TET2: variants seen among roughly 807,000 people sequenced by gnomAD.
The protein encoded by TET2 is methylcytosine dioxygenase TET2.
A neutral mutation model predicts 142.9 loss-of-function variants in TET2; 299 were observed. The ratio of observed to expected loss-of-function variants is 2.09; its 90% confidence interval spans 1.90 to 2.30. TET2 has a LOEUF of 2.30. TET2 is among the 30% of genes most tolerant of loss of function. The pLI is 0.00. For missense variants in TET2, 2,418 were observed against 2,378.0 expected (o/e 1.02, Z -0.35); for synonymous variants, 819 against 849.0 (o/e 0.96, Z 0.61).
In TET2 at chr4:105,243,740, C is replaced by A; in HGVS notation, c.3765C>A (p.Tyr1255Ter). The A allele has an allele frequency of 6.4e-7, 1 of 1,551,550 alleles. No homozygotes were observed. The change falls in exon 6 of 11, where the codon TAC becomes TAA. Residue 1255 changes from tyrosine (Y) to a stop codon, truncating the protein, a stop_gained. Coordinates refer to ENST00000380013, the MANE Select transcript of TET2 (RefSeq NM_001127208.3). LOFTEE classifies it high-confidence loss of function. The stretch of plus-strand genomic sequence containing the variant: ...AGCTTACCGAGACGCTGAGGAAATA[C>A]GGCACGCTCACCAATCGCCGGTGTG... ...YSELTETLRK[Y>*]GTLTNRRCAL...
chr4:105,174,205 G>A (rs1254522708), intron 1 of TET2, among the ~76,000 whole-genome samples: 1 of 152,148 alleles, frequency 6.6e-6, no homozygotes, highest in Non-Finnish European at 1.5e-5. Context: ...TAATTTGATA[G>A]ATCTTAAAAG....
chr4:105,166,100 A>G (rs1724135735), intron 1 of TET2, among the ~76,000 whole-genome samples: 2 of 152,176 alleles, frequency 1.3e-5, no homozygotes, highest in African/African-American at 4.8e-5. Context: ...TGCTAATTGA[A>G]AAAGAAAACA....
rs183227588 is a variant in TET2, at chr4:105,186,380, T to G, written c.-192-3980T>G. Among the ~76,000 whole-genome samples the G allele has an allele frequency of 3.4e-3, 518 of 151,736 alleles. 2 individuals carry two copies. The highest frequency in any genetic ancestry group is 0.012 in the African/African-American group (486 of 41,092). On this transcript the variant is annotated intron_variant, in intron 1 of 10. Coordinates refer to ENST00000380013, the MANE Select transcript of TET2 (RefSeq NM_001127208.3). ...TCAGCACTACCCTTCATATGTTTGT[T>G]CCGTTTTATCTTCTAAGTGATTTTT...
intron 1 of TET2, among the ~76,000 whole-genome samples, chr4:105,175,564 A>G (rs554045620): frequency 9.2e-5 from 14 of 152,286 alleles, no homozygotes; most frequent in African/African-American, 3.4e-4. Flanking sequence ...AACAGAAGAG[A>G]TTATTCAAGA....
chr4:105,206,008 AG>A (rs1560751637), intron 2 of TET2, among the ~76,000 whole-genome samples: 2 of 152,188 alleles, frequency 1.3e-5, no homozygotes. Flanking sequence ...ACTGCTTAAA[AG>A]ATCAGGTCAT....
intron 1 of TET2, chr4:105,171,278 T>C (rs1218215893): frequency 7.9e-5 from 12 of 152,162 alleles, no homozygotes. Context: ...CCAATACTAT[T>C]AAAGAATTAT....
Position 105,234,724 on chromosome 4 carries a change from C to T in TET2, c.782C>T (p.Ser261Phe), listed in dbSNP as rs751983181. 1.9e-6 allele frequency: 3 copies of T among 1,613,926 alleles called. No individual in the cohort carries two copies. Among genetic ancestry groups the T allele is most frequent in the Non-Finnish European group, 2.5e-6 (3 of 1,180,016 alleles). ...AACAGTCAGGCTACTAATGAGTTGT[C>T]CTGTGAGATCACTCACCCATCGCAT... ...AINSQATNEL[S>F]CEITHPSHTS... Residue 261 changes from serine to phenylalanine, a missense_variant, in exon 3 of 11, where the codon TCC becomes TTC. Transcript: ENST00000380013.
intron 6 of TET2, among the ~76,000 whole-genome samples, chr4:105,252,737 G>A (rs748791060): frequency 2.0e-5 from 3 of 152,134 alleles, no homozygotes; most frequent in Admixed American, 6.5e-5. Flanking sequence ...TATATGTTCT[G>A]TGTTATCTTC....
intron 6 of TET2, among the ~76,000 whole-genome samples, chr4:105,258,796 A>C (rs138032221): frequency 2.0e-5 from 3 of 152,146 alleles, no homozygotes; most frequent in African/African-American, 7.2e-5. Context: ...AAGTTGTTTT[A>C]TCTCTCTTTG....
chr4:105,250,379 G>GTTTTTT (rs1560557797), intron 6 of TET2, among the ~76,000 whole-genome samples: 1 of 75,140 alleles, frequency 1.3e-5, no homozygotes, highest in African/African-American at 5.2e-5. Flanking sequence ...TTCCTTTCTG[G>GTTTTTT]ATTTTTTTTT....
In TET2 at chr4:105,269,640, C is replaced by G. The variant is rs759658003; in HGVS notation, c.4075C>G (p.Arg1359Gly). ...IEYEHRAPEC[R>G]LGLKEGRPFS... Reference sequence around the variant, plus strand: ...ATATGAACACAGAGCACCAGAGTGCCGTCTGGGTCTGAAGGAAGGCCGTCC... The same window carrying G: ...ATATGAACACAGAGCACCAGAGTGCGGTCTGGGTCTGAAGGAAGGCCGTCC... The change falls in exon 9 of 11, where the codon CGT becomes GGT. Residue 1359 changes from arginine to glycine, a missense_variant. Coordinates refer to ENST00000380013, the MANE Select transcript of TET2 (RefSeq NM_001127208.3). The G allele has an allele frequency of 6.4e-7, 1 of 1,551,436 alleles. No homozygotes were observed.
At chr4:105,226,963 A>G (rs1247114401) in intron 2 of TET2, among the ~76,000 whole-genome samples, 1 of 152,142 alleles carries the variant, frequency 6.6e-6, no homozygotes, top group African/African-American at 2.4e-5. Context: ...TATGGCATGT[A>G]TTTGATCTCA....
At chr4:105,159,616 T>C (rs1169114648) in intron 1 of TET2, among the ~76,000 whole-genome samples, 1 of 152,182 alleles carries the variant, frequency 6.6e-6, no homozygotes, top group Non-Finnish European at 1.5e-5. Context: ...TTTTGTGATT[T>C]GGGGAAACAT....
At chr4:105,174,516 G>C (rs539833529) in intron 1 of TET2, among the ~76,000 whole-genome samples, 2 of 152,338 alleles carry the variant, frequency 1.3e-5, no homozygotes, top group South Asian at 2.1e-4. Context: ...AAATATTAGA[G>C]AAGCAGACAG....
chr4:105,203,991 A>G (rs1052458311), intron 2 of TET2, among the ~76,000 whole-genome samples: 2 of 152,078 alleles, frequency 1.3e-5, no homozygotes, highest in Admixed American at 6.5e-5. Context: ...ACCTGAGGTC[A>G]GGAGTTTGAG....
Position 105,276,845 on chromosome 4 carries a change from C to CCCG in TET2, c.*328_*329insGCC, listed in dbSNP as rs1731251025. The CCCG allele has an allele frequency of 4.7e-6, 1 of 213,034 alleles. No homozygotes were observed. The highest frequency in any genetic ancestry group is 9.3e-6 in the Non-Finnish European group (1 of 107,742). 13.2% of individuals were successfully genotyped at this position (213,034 alleles called of 1,614,324 possible). A position where few individuals can be genotyped will look rare whatever the true frequency, so the allele number is the denominator to read the frequency against. On this transcript the variant is annotated 3_prime_UTR_variant, in exon 11 of 11. Transcript: ENST00000380013. Reference sequence around the variant, plus strand: ...GATGATATGTAAATGTGATCCCCCCCCCCCGCTTACAACTCTACACATCTG... The same window carrying CCCG: ...GATGATATGTAAATGTGATCCCCCCCCCGCCCCGCTTACAACTCTACACATCTG...
chr4:105,175,066 A>G (rs1439613476), intron 1 of TET2, among the ~76,000 whole-genome samples: 1 of 152,198 alleles, frequency 6.6e-6, no homozygotes, highest in Admixed American at 6.5e-5. Flanking sequence ...AGGGAGACCA[A>G]ATTATAAGGC....
At chr4:105,271,884 T>C (rs1003958143) in intron 9 of TET2, among the ~76,000 whole-genome samples, 7 of 152,162 alleles carry the variant, frequency 4.6e-5, no homozygotes, top group Non-Finnish European at 4.4e-5. Context: ...CCCACTTATA[T>C]GGTCATATTT....
At chr4:105,175,060 A>G (rs1724701011) in intron 1 of TET2, among the ~76,000 whole-genome samples, 1 of 152,198 alleles carries the variant, frequency 6.6e-6, no homozygotes, top group Admixed American at 6.5e-5. Context: ...CCAAAGAGGG[A>G]GACCAAATTA....
Sources: gnomAD v4.1 joint callset for allele counts (sites outside exome capture counted in the v4.1 genomes callset) on GRCh38, gnomAD v4.1.1 for gene constraint, MANE v1.5 for transcripts, NCBI Gene and HGNC (gene_info 2026-07-23, HGNC 2026-07-21) for gene names.